The following GRAMD4 variants were observed in gnomAD, a reference collection of about 807,000 sequenced individuals.
GRAMD4 encodes GRAM domain containing 4.
In GRAMD4, 25 loss-of-function variants were observed where a neutral mutation model predicts 83.9. The ratio of observed to expected loss-of-function variants is 0.30; its 90% confidence interval spans 0.22 to 0.42. The LOEUF is 0.42. Ranked by LOEUF, GRAMD4 falls within the 10% of genes least tolerant of loss-of-function variation. GRAMD4 has a pLI of 1.00. For missense variants in GRAMD4, 593 were observed against 788.7 expected (o/e 0.75, Z 2.97); for synonymous variants, 336 against 320.9 (o/e 1.05, Z -0.50).
rs1239932375 is a variant in GRAMD4 at position 46,678,564 on chromosome 22, G to C, written c.*1313G>C. 9.0e-5 allele frequency: 89 copies of C among 985,344 alleles called. No individual in the cohort carries two copies. The highest frequency in any genetic ancestry group is 1.1e-4 in the Non-Finnish European group (88 of 829,950). 61.0% of individuals were successfully genotyped at this position (985,344 alleles called of 1,614,324 possible). Reference sequence around the variant, plus strand: ...GGAGGTGGCCACCCCGCGGGCCTGCGTGTCTGCTGGGGCGGATCCCGCAGC... The same window carrying C: ...GGAGGTGGCCACCCCGCGGGCCTGCCTGTCTGCTGGGGCGGATCCCGCAGC... On this transcript the variant is annotated 3_prime_UTR_variant, in exon 19 of 19. Transcript: ENST00000406902.
chr22:46,678,301 G>A lies in GRAMD4; in HGVS notation c.*1050G>A. On this transcript the variant is annotated 3_prime_UTR_variant, in exon 19 of 19. Transcript: ENST00000406902. The stretch of plus-strand genomic sequence containing the variant: ...GTGCTTTAGGGAGCAACCGTGAGCC[G>A]AGCCCAGAGGCCTGGGCCTGCACTG... 1.0e-5 allele frequency: 10 copies of A among 985,438 alleles called. No homozygotes were observed. The South Asian group carries it at 1.4e-4, about 14-fold the overall frequency. The allele number at this position is 985,438 out of a possible 1,614,324, so 61.0% of individuals were successfully genotyped here.
At chr22:46,617,853 C>T (rs1436447787), upstream of GRAMD4, among the ~76,000 whole-genome samples, 1 of 152,222 alleles carries the variant, frequency 6.6e-6, no homozygotes, top group Non-Finnish European at 1.5e-5. Context: ...TCGTATGACT[C>T]AAGCCTGAAG....
chr22:46,597,825 G>T (rs2081277239), intron 1 of GRAMD4, among the ~76,000 whole-genome samples: 1 of 152,190 alleles, frequency 6.6e-6, no homozygotes, highest in Non-Finnish European at 1.5e-5. Flanking sequence ...AACAAGTACA[G>T]TTTGATTTGC....
Position 46,668,745 on chromosome 22 carries a change from CCCCA to C in GRAMD4, c.974+17_974+20del. 1.2e-6 allele frequency: 1 copy of C among 827,510 alleles called. No homozygotes were observed. The highest frequency in any genetic ancestry group is 2.0e-6 in the Non-Finnish European group (1 of 505,292). 51.3% of individuals were successfully genotyped at this position (827,510 alleles called of 1,614,324 possible). A position where few individuals can be genotyped will look rare whatever the true frequency, so the allele number is the denominator to read the frequency against. On this transcript the variant is annotated intron_variant, in intron 12 of 18. Transcript: ENST00000406902. ...AGAAGATCAAGAAGTAAGTCCCGCC[CCCCA>C]CCCCGGCCCTGCGGCGCCCGCCCGG...
At chr22:46,676,899 G>A (rs2082607335) in intron 18 of GRAMD4, among the ~76,000 whole-genome samples, 1 of 152,214 alleles carries the variant, frequency 6.6e-6, no homozygotes, top group Admixed American at 6.5e-5. Flanking sequence ...TGGGCACAGG[G>A]GTCCCCTGAC....
intron 3 of GRAMD4, among the ~76,000 whole-genome samples, chr22:46,656,933 A>G (rs1467057241): frequency 6.6e-6 from 1 of 152,036 alleles, no homozygotes; most frequent in African/African-American, 2.4e-5. Context: ...CTCAGCCACC[A>G]TGGGCCACAG....
At chr22:46,618,531 G>A (rs965525699), upstream of GRAMD4, among the ~76,000 whole-genome samples, 2 of 152,166 alleles carry the variant, frequency 1.3e-5, no homozygotes, top group Non-Finnish European at 2.9e-5. The surrounding 1 kb of genome is among the most constrained non-coding windows in gnomAD (Gnocchi z 5.8). Flanking sequence ...ATGAGCCAGA[G>A]CTGATGAGGG....
At chr22:46,649,731 C>T (rs933081882) in intron 3 of GRAMD4, among the ~76,000 whole-genome samples, 2 of 152,178 alleles carry the variant, frequency 1.3e-5, no homozygotes, top group African/African-American at 2.4e-5. Context: ...CTGCACATAG[C>T]GGTAAATGAC....
In GRAMD4 at chr22:46,672,400, AGGTGGGAGGG is replaced by A. The variant is rs1237030170; in HGVS notation, c.1085-439_1085-430del. Among the ~76,000 whole-genome samples, 2 of 139,048 alleles carry A rather than the reference AGGTGGGAGGG, an allele frequency of 1.4e-5. No homozygotes were observed. Among genetic ancestry groups the A allele is most frequent in the East Asian group, 4.7e-4 (2 of 4,280 alleles). The allele number at this position is 139,048 out of a possible 152,430, so 91.2% of individuals were successfully genotyped here. On this transcript the variant is annotated intron_variant, in intron 13 of 18. Transcript: ENST00000406902. The surrounding 1 kb of genome is among the most constrained non-coding windows in gnomAD (Gnocchi z 4.7). The stretch of plus-strand genomic sequence containing the variant: ...GGGGGGCACCCAGTTGAAGAAGGGC[AGGTGGGAGGG>A]GGTTTGGGGAGGGATTGCCATGGAG...
In GRAMD4 at chr22:46,677,720, A is replaced by G; in HGVS notation, c.*469A>G. ...CTCCTGGGGACAGAAAGATGTCGTCAAGGAGGGACATGGGGGCCTTTCACC... is the reference window on the plus strand; with the variant it reads ...CTCCTGGGGACAGAAAGATGTCGTCGAGGAGGGACATGGGGGCCTTTCACC... On this transcript the variant is annotated 3_prime_UTR_variant, in exon 19 of 19. Coordinates refer to ENST00000406902, the MANE Select transcript of GRAMD4 (RefSeq NM_015124.5). The G allele has an allele frequency of 1.8e-5, 18 of 986,322 alleles. No homozygotes were observed. The highest frequency in any genetic ancestry group is 2.2e-5 in the Non-Finnish European group (18 of 830,436). The allele number at this position is 986,322 out of a possible 1,614,324, so 61.1% of individuals were successfully genotyped here.
At chr22:46,603,034 C>T in intron 1 of GRAMD4, among the ~76,000 whole-genome samples, 1 of 152,036 alleles carries the variant, frequency 6.6e-6, no homozygotes, top group East Asian at 1.9e-4. Flanking sequence ...AGCCACCACA[C>T]CTGACCTCTT....
intron 3 of GRAMD4, among the ~76,000 whole-genome samples, chr22:46,655,976 C>A (rs116805518): frequency 6.6e-6 from 1 of 152,044 alleles, no homozygotes; most frequent in East Asian, 1.9e-4. Context: ...AGAACGGAGG[C>A]GGGGCGGGGA....
chr22:46,648,923 G>C (rs923173203), intron 3 of GRAMD4, among the ~76,000 whole-genome samples: 4 of 142,666 alleles, frequency 2.8e-5, no homozygotes, highest in East Asian at 2.0e-4. Flanking sequence ...TGGATGGATG[G>C]ATGGATGGAT....
At chr22:46,597,288 T>G (rs371877954) in intron 1 of GRAMD4, among the ~76,000 whole-genome samples, 7 of 152,116 alleles carry the variant, frequency 4.6e-5, no homozygotes, top group Admixed American at 1.3e-4. Flanking sequence ...TTTGTTTAAG[T>G]TGGATGTTTA....
Position 46,679,451 on chromosome 22 carries a change from C to T in GRAMD4, c.*2200C>T, listed in dbSNP as rs1442125128. ...GCCCCTCCCTGGAAGTCCTCGGGAG[C>T]GGAGCGCGGATCGGCACGGGCTCTG... is the stretch of plus-strand genomic sequence containing the variant. On this transcript the variant is annotated 3_prime_UTR_variant, in exon 19 of 19. Coordinates refer to ENST00000406902, the MANE Select transcript of GRAMD4 (RefSeq NM_015124.5). 4.2e-5 allele frequency: 41 copies of T among 985,384 alleles called. No homozygotes were observed. The highest frequency in any genetic ancestry group is 4.7e-5 in the South Asian group (1 of 21,284). 61.0% of individuals were successfully genotyped at this position (985,384 alleles called of 1,614,324 possible). A position where few individuals can be genotyped will look rare whatever the true frequency, so the allele number is the denominator to read the frequency against.
chr22:46,658,349 C>G (rs1327932679), intron 4 of GRAMD4, 42 bp downstream of exon 4: 2 of 1,526,290 alleles, frequency 1.3e-6, no homozygotes, highest in African/African-American at 2.8e-5. Context: ...GTGCGGCTGC[C>G]CCAACCCCCC....
At chr22:46,648,759 GATGGATGC>G in intron 3 of GRAMD4, among the ~76,000 whole-genome samples, 2 of 139,168 alleles carry the variant, frequency 1.4e-5, no homozygotes, top group African/African-American at 2.8e-5. Context: ...TGGATGGATG[GATGGATGC>G]ATGGATGGAT....
At chr22:46,609,745 A>T (rs979625648) in intron 1 of GRAMD4, among the ~76,000 whole-genome samples, 1 of 151,924 alleles carries the variant, frequency 6.6e-6, no homozygotes, top group Non-Finnish European at 1.5e-5. Flanking sequence ...GGGTCTGCAG[A>T]GCATCCCACC....
intron 1 of GRAMD4, among the ~76,000 whole-genome samples, chr22:46,588,725 T>C (rs1027626730): frequency 5.4e-5 from 6 of 110,974 alleles, no homozygotes; most frequent in Admixed American, 7.4e-5. Flanking sequence ...CACCGCCCTC[T>C]CCATCCCCGG....
Sources: allele counts gnomAD v4.1 joint callset (sites outside exome capture counted in the v4.1 genomes callset), GRCh38; gene constraint gnomAD v4.1.1; non-coding constraint Gnocchi (gnomAD v3.1); transcripts MANE v1.5; gene names NCBI Gene and HGNC (gene_info 2026-07-23, HGNC 2026-07-21).